Variants in ARB2A observed in about 807,000 individuals in gnomAD.
ARB2A encodes the protein ARB2 cotranscriptional regulator A, also known as cotranscriptional regulator ARB2A.
At chr5:94,030,908 C>T in the ARB2A span, among the ~76,000 whole-genome samples, 1 of 152,144 alleles carries the variant, frequency 6.6e-6, no homozygotes, top group Admixed American at 6.6e-5. Context: ...TCCACTCCTC[C>T]ACCATGTTAT....
the ARB2A span, among the ~76,000 whole-genome samples, chr5:93,621,659 G>A: frequency 2.6e-5 from 4 of 152,256 alleles, no homozygotes; most frequent in South Asian, 2.1e-4. Flanking sequence ...TCCCAAGGGG[G>A]TGGTGTGGAG....
At chr5:93,886,100 C>T in the ARB2A span, among the ~76,000 whole-genome samples, 1 of 151,470 alleles carries the variant, frequency 6.6e-6, no homozygotes, top group African/African-American at 2.4e-5. Context: ...GACTTCTGAC[C>T]CCAAATGAAA....
the ARB2A span, among the ~76,000 whole-genome samples, chr5:94,047,402 G>C: frequency 6.6e-6 from 1 of 151,154 alleles, no homozygotes; most frequent in Non-Finnish European, 1.5e-5. Flanking sequence ...TGAGGCAGGA[G>C]AATCACTTGA....
At chr5:93,627,438 G>GTGTT in the ARB2A span, among the ~76,000 whole-genome samples, 1 of 108,076 alleles carries the variant, frequency 9.3e-6, no homozygotes, top group African/African-American at 4.0e-5. Context: ...TACAAAATGT[G>GTGTT]TTTTGTTTTT....
the ARB2A span, among the ~76,000 whole-genome samples, chr5:93,879,137 A>G: frequency 2.6e-5 from 4 of 152,116 alleles, no homozygotes; most frequent in Admixed American, 2.6e-4. Flanking sequence ...GGAGATAAGT[A>G]GAGAGAAGAA....
chr5:93,958,901 T>C, the ARB2A span: 2 of 1,608,132 alleles, frequency 1.2e-6, no homozygotes, highest in Admixed American at 1.7e-5. Flanking sequence ...CATCAGTTTC[T>C]GTGGATTTGT....
At chr5:93,718,361 C>T in the ARB2A span, among the ~76,000 whole-genome samples, 2 of 151,898 alleles carry the variant, frequency 1.3e-5, no homozygotes, top group Non-Finnish European at 2.9e-5. Flanking sequence ...ATGGCGTGAA[C>T]CCGGGAGGCA....
At chr5:93,831,613 G>C in the ARB2A span, among the ~76,000 whole-genome samples, 1 of 152,168 alleles carries the variant, frequency 6.6e-6, no homozygotes, top group Non-Finnish European at 1.5e-5. Context: ...CAGGGTGGTA[G>C]CAGAGTGAAT....
the ARB2A span, among the ~76,000 whole-genome samples, chr5:93,935,674 A>G: frequency 4.6e-5 from 7 of 152,314 alleles, no homozygotes; most frequent in African/African-American, 7.2e-5. Context: ...ATTATGTCCA[A>G]AGAGAATCTT....
At chr5:93,862,754 G>C in the ARB2A span, 2 of 152,038 alleles carry the variant, frequency 1.3e-5, no homozygotes, top group African/African-American at 4.8e-5. Context: ...TATAAGACAA[G>C]AACTTTCTAG....
chr5:93,968,213 G>C, the ARB2A span, among the ~76,000 whole-genome samples: 4 of 152,124 alleles, frequency 2.6e-5, no homozygotes, highest in Admixed American at 6.6e-5. Flanking sequence ...CCCATGATCT[G>C]AAGAGACAAA....
chr5:93,657,771 T>C, the ARB2A span, among the ~76,000 whole-genome samples: 1 of 152,156 alleles, frequency 6.6e-6, no homozygotes, highest in African/African-American at 2.4e-5. Context: ...TTCAGCGTGT[T>C]ATATGAGAAG....
chr5:93,667,341 T>A, the ARB2A span, among the ~76,000 whole-genome samples: 1 of 152,246 alleles, frequency 6.6e-6, no homozygotes, highest in African/African-American at 2.4e-5. Flanking sequence ...CGTAAGCTCC[T>A]AATGGGTACT....
At chr5:93,855,388 C>T in the ARB2A span, among the ~76,000 whole-genome samples, 763 of 152,260 alleles carry the variant, frequency 5.0e-3, 5 homozygotes, top group Non-Finnish European at 7.8e-3. Context: ...ATACAGCACA[C>T]TGATGGGTCT....
chr5:93,780,002 T>C, the ARB2A span, among the ~76,000 whole-genome samples: 12 of 152,158 alleles, frequency 7.9e-5, no homozygotes, highest in African/African-American at 2.2e-4. Context: ...TTTAGTATAT[T>C]ATATTTAAAG....
the ARB2A span, among the ~76,000 whole-genome samples, chr5:93,871,009 T>C: frequency 6.6e-6 from 1 of 152,218 alleles, no homozygotes; most frequent in African/African-American, 2.4e-5. Context: ...ATTATGATTA[T>C]TCGGATTTGG....
At chr5:93,800,058 T>C in the ARB2A span, among the ~76,000 whole-genome samples, 3 of 151,884 alleles carry the variant, frequency 2.0e-5, no homozygotes, top group African/African-American at 7.2e-5. Flanking sequence ...CCTAGGATAA[T>C]GCACATATCT....
the ARB2A span, chr5:93,776,114 C>T: frequency 1.4e-6 from 2 of 1,433,546 alleles, no homozygotes; most frequent in African/African-American, 1.4e-5. Context: ...ATATTTTTCA[C>T]CCTGAAAAAC....
At chr5:93,676,644 C>A in the ARB2A span, among the ~76,000 whole-genome samples, 6 of 152,162 alleles carry the variant, frequency 3.9e-5, no homozygotes, top group East Asian at 1.2e-3. Flanking sequence ...AAGGAAGGAG[C>A]CTAGATAAAA....
Sources: gnomAD v4.1 joint callset for allele counts (sites outside exome capture counted in the v4.1 genomes callset) on GRCh38, gnomAD v4.1.1 for gene constraint, MANE v1.5 for transcripts, NCBI Gene and HGNC (gene_info 2026-07-23, HGNC 2026-07-21) for gene names.